CRISP1: variants seen among roughly 807,000 people sequenced by gnomAD.
CRISP1 encodes the protein cysteine rich secretory protein 1.
Under a neutral mutation model 33.1 loss-of-function variants are expected in CRISP1, and 44 were observed. That is an observed-to-expected ratio of 1.33 (90% confidence interval 1.05 to 1.71). The LOEUF is 1.71. Ranked by LOEUF, CRISP1 falls within the 40% of genes most tolerant of loss-of-function variation. The pLI, the probability that CRISP1 is intolerant of heterozygous loss-of-function variation, is 0.00. For missense variants in CRISP1, 390 were observed against 301.2 expected (o/e 1.29, Z -2.18); for synonymous variants, 103 against 98.7 (o/e 1.04, Z -0.26).
At chr6:49,835,594 A>C in intron 7 of CRISP1, 151 bp from the exon 8 acceptor site, 1 of 728,940 alleles carries the variant, frequency 1.4e-6, no homozygotes, top group African/African-American at 1.8e-5. Context: ...ATCTGAATGC[A>C]AAACAGGTGA....
chr6:49,839,275 A>G (rs1272583194), intron 6 of CRISP1, among the ~76,000 whole-genome samples: 1 of 30,396 alleles, frequency 3.3e-5, no homozygotes, highest in Non-Finnish European at 7.8e-5. Context: ...ATATCTACAA[A>G]AAAAAAAAAA....
chr6:49,835,269 T>C lies in CRISP1; in HGVS notation c.*47A>G. 1.3e-6 allele frequency: 2 copies of C among 1,592,044 alleles called. No individual in the cohort carries two copies. Among genetic ancestry groups the C allele is most frequent in the Non-Finnish European group, 1.7e-6 (2 of 1,167,726 alleles). ...GCAAAAGACATGAATCCAACAGACA[T>C]CTCCTCCTCATCGTCACAGCATAGA... is the stretch of plus-strand genomic sequence containing the variant. On this transcript the variant is annotated 3_prime_UTR_variant, in exon 8 of 8. Coordinates refer to ENST00000335847, the MANE Select transcript of CRISP1 (RefSeq NM_001131.3).
intron 3 of CRISP1, among the ~76,000 whole-genome samples, chr6:49,849,942 C>G (rs1223447701): frequency 6.6e-6 from 1 of 152,024 alleles, no homozygotes; most frequent in African/African-American, 2.4e-5. Flanking sequence ...CACAACACAT[C>G]TACCAGTGTA....
At chr6:49,837,562 A>C (rs1055819161) in intron 7 of CRISP1, among the ~76,000 whole-genome samples, 3 of 152,144 alleles carry the variant, frequency 2.0e-5, no homozygotes, top group African/African-American at 7.2e-5. Flanking sequence ...AGAGAAGTAA[A>C]TAAAAGAGTA....
upstream of CRISP1, among the ~76,000 whole-genome samples, chr6:49,871,009 G>C (rs763225912): frequency 1.3e-5 from 2 of 152,022 alleles, no homozygotes; most frequent in East Asian, 3.9e-4. Context: ...GCTGAGGCAT[G>C]AGAATCGCTT....
At chr6:49,876,659 G>T (rs868016060) in intron 1 of CRISP1, among the ~76,000 whole-genome samples, 2 of 151,898 alleles carry the variant, frequency 1.3e-5, no homozygotes, top group African/African-American at 2.4e-5. Context: ...TATAGGCTGG[G>T]TAAAGAAAAT....
In CRISP1 at chr6:49,835,325, C is replaced by G. The variant is rs1770750547; in HGVS notation, c.741G>C (p.Glu247Asp). The G allele has an allele frequency of 6.2e-6, 10 of 1,613,394 alleles. No homozygotes were observed. Among genetic ancestry groups the G allele is most frequent in the Non-Finnish European group, 8.5e-6 (10 of 1,179,714 alleles). Residue 247 changes from glutamate to aspartate, a missense_variant, in exon 8 of 8, where the codon GAG becomes GAC. Transcript: ENST00000335847. Reference sequence around the variant, plus strand: ...TGAAAATAACAAAGACCTATTTTATCTCAGTGTCACACAGACAAGTGGCTT... The same window carrying G: ...TGAAAATAACAAAGACCTATTTTATGTCAGTGTCACACAGACAAGTGGCTT... ...FCKATCLCDTEIK is the reference protein window; with the variant it reads ...FCKATCLCDTDIK
chr6:49,855,077 T>G (rs916851363), intron 2 of CRISP1, among the ~76,000 whole-genome samples: 1 of 152,152 alleles, frequency 6.6e-6, no homozygotes, highest in Non-Finnish European at 1.5e-5. Context: ...ACTTTCAGTG[T>G]AGAAATACTC....
At chr6:49,856,534 C>G (rs1252439191) in intron 2 of CRISP1, among the ~76,000 whole-genome samples, 1 of 152,110 alleles carries the variant, frequency 6.6e-6, no homozygotes, top group Non-Finnish European at 1.5e-5. Flanking sequence ...GTAATAGGAA[C>G]CAAATACCAA....
chr6:49,868,716 T>C (rs58116328), upstream of CRISP1, among the ~76,000 whole-genome samples: 5,355 of 152,226 alleles, frequency 0.035, 318 homozygotes, highest in African/African-American at 0.12. Context: ...AACTCTTACC[T>C]ACAACAATCC....
At chr6:49,839,325 C>T (rs2127469017) in intron 6 of CRISP1, among the ~76,000 whole-genome samples, 1 of 149,036 alleles carries the variant, frequency 6.7e-6, no homozygotes, top group African/African-American at 2.5e-5. Flanking sequence ...GTGGCGTATG[C>T]CTGTAGTTCC....
chr6:49,860,756 C>A (rs1478726128), intron 1 of CRISP1, among the ~76,000 whole-genome samples: 1 of 151,866 alleles, frequency 6.6e-6, no homozygotes, highest in Non-Finnish European at 1.5e-5. Context: ...CAGAAGAAAT[C>A]ACAAAGTTTA....
intron 2 of CRISP1, among the ~76,000 whole-genome samples, chr6:49,855,206 A>G (rs896278290): frequency 6.6e-6 from 1 of 152,012 alleles, no homozygotes; most frequent in African/African-American, 2.4e-5. Flanking sequence ...AGAATCCACT[A>G]ATGCTTTACT....
chr6:49,839,126 G>T (rs1025506926), intron 6 of CRISP1, among the ~76,000 whole-genome samples: 2 of 151,792 alleles, frequency 1.3e-5, no homozygotes, highest in Non-Finnish European at 2.9e-5. Flanking sequence ...TCTAGTTCTG[G>T]ACTAATTTGA....
At chr6:49,860,834 A>C (rs1084052) in intron 1 of CRISP1, among the ~76,000 whole-genome samples, 44,107 of 151,756 alleles carry the variant, frequency 0.29, 6,801 homozygotes, top group East Asian at 0.59. Context: ...GATTTTTTGA[A>C]AATATAAACA....
upstream of CRISP1, among the ~76,000 whole-genome samples, chr6:49,871,425 A>G (rs1052062012): frequency 1.3e-5 from 2 of 152,176 alleles, no homozygotes; most frequent in African/African-American, 4.8e-5. Context: ...AAACTCAGCG[A>G]AAGTCAAAGC....
At chr6:49,837,269 A>G (rs970610520) in intron 7 of CRISP1, among the ~76,000 whole-genome samples, 1 of 152,186 alleles carries the variant, frequency 6.6e-6, no homozygotes, top group Admixed American at 6.5e-5. Context: ...GGCTTATGAT[A>G]TACATCATCT....
intron 1 of CRISP1, among the ~76,000 whole-genome samples, chr6:49,858,031 A>G (rs1019895058): frequency 6.6e-6 from 1 of 152,198 alleles, no homozygotes; most frequent in African/African-American, 2.4e-5. Flanking sequence ...AGAACATTCA[A>G]TTTATGATAA....
At chr6:49,838,179 G>T (rs1006906241) in intron 7 of CRISP1, among the ~76,000 whole-genome samples, 3 of 152,176 alleles carry the variant, frequency 2.0e-5, no homozygotes, top group East Asian at 1.9e-4. Flanking sequence ...TATCTAGGTT[G>T]ACCCTAATTA....
Sources: allele counts gnomAD v4.1 joint callset (sites outside exome capture counted in the v4.1 genomes callset), GRCh38; gene constraint gnomAD v4.1.1; transcripts MANE v1.5; gene names NCBI Gene and HGNC (gene_info 2026-07-23, HGNC 2026-07-21).